Variants in PBX1 observed in about 807,000 individuals in gnomAD.
The protein encoded by PBX1 is pre-B-cell leukemia transcription factor 1.
In PBX1, 6 loss-of-function variants were observed where a neutral mutation model predicts 53.4. That is an observed-to-expected ratio of 0.11 (90% CI 0.06 to 0.22). PBX1 has a LOEUF of 0.22. Ranked by LOEUF, PBX1 falls within the 10% of genes least tolerant of loss-of-function variation. The probability of loss-of-function intolerance (pLI) is 1.00; values close to 1 mark genes in which losing one functional copy is unlikely to be tolerated. For synonymous variants in PBX1, 204 were observed against 212.3 expected, an observed-to-expected ratio of 0.96 and a Z score of 0.34; for missense variants, 251 against 551.4, an observed-to-expected ratio of 0.46 and a Z score of 5.46.
At chr1:164,721,512 C>T (rs1258438713) in intron 2 of PBX1, among the ~76,000 whole-genome samples, 1 of 151,954 alleles carries the variant, frequency 6.6e-6, no homozygotes, top group East Asian at 1.9e-4. Flanking sequence ...AAAGCGAAAA[C>T]AATTGAATTC....
In PBX1 at chr1:164,792,536, C is replaced by T; in HGVS notation, c.308C>T (p.Pro103Leu). The T allele has an allele frequency of 6.2e-7, 1 of 1,614,094 alleles. No individual in the cohort carries two copies. Among genetic ancestry groups the T allele is most frequent in the African/African-American group, 1.3e-5 (1 of 75,048 alleles). The change falls in exon 3 of 9, where the codon CCC becomes CTC. Residue 103 changes from proline (P) to leucine (L), a missense_variant. Coordinates refer to ENST00000420696, the MANE Select transcript of PBX1 (RefSeq NM_002585.4). ...RGAQEEEPTD[P>L]QLMRLDNMLL... ...GCCCAGGAGGAGGAACCCACAGACC[C>T]CCAGCTGATGCGGCTGGACAACATG...
intron 2 of PBX1, among the ~76,000 whole-genome samples, chr1:164,570,250 G>A (rs1349341967): frequency 1.3e-5 from 2 of 152,120 alleles, no homozygotes; most frequent in Non-Finnish European, 2.9e-5. Flanking sequence ...GAACACGTGT[G>A]TGGAACGTGC....
chr1:164,848,696 T>G lies in PBX1; in HGVS notation c.*2020T>G. 9.5e-7 allele frequency: 1 copy of G among 1,056,060 alleles called. No homozygotes were observed. The highest frequency in any genetic ancestry group is 1.1e-6 in the Non-Finnish European group (1 of 873,420). The allele number at this position is 1,056,060 out of a possible 1,614,324, so 65.4% of individuals were successfully genotyped here. ...CACTTGAACCCAATATGTTGCCTTG[T>G]ACATACTTGGTCCCTGTCACATTGA... On this transcript the variant is annotated 3_prime_UTR_variant, in exon 9 of 9. Coordinates refer to ENST00000420696, the MANE Select transcript of PBX1 (RefSeq NM_002585.4).
chr1:164,739,900 G>A (rs1002232121), intron 2 of PBX1, among the ~76,000 whole-genome samples: 1 of 151,940 alleles, frequency 6.6e-6, no homozygotes, highest in Non-Finnish European at 1.5e-5. Context: ...TAATGCTAGG[G>A]TTCATTTTCT....
intron 4 of PBX1, among the ~76,000 whole-genome samples, chr1:164,800,399 T>C (rs733059): frequency 0.027 from 4,063 of 152,320 alleles, 195 homozygotes; most frequent in African/African-American, 0.092. Flanking sequence ...CATGGCACTT[T>C]GGACACAGAG....
At chr1:164,715,208 T>G (rs74118000) in intron 2 of PBX1, among the ~76,000 whole-genome samples, 38 of 152,326 alleles carry the variant, frequency 2.5e-4, no homozygotes, top group African/African-American at 8.4e-4. Flanking sequence ...AATTAAATGA[T>G]TTTTCTTCTA....
intron 2 of PBX1, among the ~76,000 whole-genome samples, chr1:164,725,114 C>G (rs146131010): frequency 0.012 from 1,901 of 152,206 alleles, 19 homozygotes; most frequent in Non-Finnish European, 0.017. Context: ...CCACCCCCTT[C>G]CTGCATCCAG....
chr1:164,722,526 A>G (rs915332339), intron 2 of PBX1, among the ~76,000 whole-genome samples: 4 of 152,242 alleles, frequency 2.6e-5, no homozygotes, highest in African/African-American at 4.8e-5. Context: ...TTGAAGAAGT[A>G]TATTAATCCA....
chr1:164,794,236 C>T (rs1668678031), intron 3 of PBX1, among the ~76,000 whole-genome samples: 1 of 152,192 alleles, frequency 6.6e-6, no homozygotes, highest in Non-Finnish European at 1.5e-5. Flanking sequence ...AGACCTTGTG[C>T]AGTCCACTTG....
intron 2 of PBX1, among the ~76,000 whole-genome samples, chr1:164,775,998 A>G (rs893322394): frequency 6.6e-6 from 1 of 152,196 alleles, no homozygotes; most frequent in African/African-American, 2.4e-5. Flanking sequence ...ACATCTCTGT[A>G]TACTAATAAT....
At chr1:164,699,291 T>G (rs1420217436) in intron 2 of PBX1, among the ~76,000 whole-genome samples, 1 of 152,038 alleles carries the variant, frequency 6.6e-6, no homozygotes, top group African/African-American at 2.4e-5. Context: ...ATACAAATAG[T>G]TTTGGTAAAG....
chr1:164,636,488 C>G (rs559011982), intron 2 of PBX1, among the ~76,000 whole-genome samples: 1 of 152,132 alleles, frequency 6.6e-6, no homozygotes, highest in Non-Finnish European at 1.5e-5. Flanking sequence ...CTCTTTTTCC[C>G]TTTCACCAGA....
rs1558053764 is a variant in PBX1 at position 164,870,325 on chromosome 1, CT to C, written n.258-28860del. ...TCTTTCTTTCTTTCTTTCTTTCTTT[CT>C]TTCTTTCTTTCTTTCTTTCTTTCTT... On this transcript the variant is annotated intron_variant and non_coding_transcript_variant, in intron 2 of 2. Coordinates refer to the PBX1 transcript ENST00000558796. Among the ~76,000 whole-genome samples the C allele has an allele frequency of 6.2e-4, 63 of 101,002 alleles. 2 individuals are homozygous for C. Among genetic ancestry groups the C allele is most frequent in the South Asian group, 1.9e-3 (5 of 2,682 alleles). The allele number at this position is 101,002 out of a possible 152,430, so 66.3% of individuals were successfully genotyped here.
rs1180535741 is a variant in PBX1 at position 164,847,230 on chromosome 1, C to G, written c.*554C>G. 1 of 1,073,820 alleles carries G rather than the reference C, an allele frequency of 9.3e-7. No individual in the cohort carries two copies. Among genetic ancestry groups the G allele is most frequent in the Non-Finnish European group, 1.1e-6 (1 of 883,680 alleles). 66.5% of individuals were successfully genotyped at this position (1,073,820 alleles called of 1,614,324 possible). On this transcript the variant is annotated 3_prime_UTR_variant, in exon 9 of 9. Transcript: ENST00000420696. ...TTCCAGGCCTCCCTGCTTCCTCTTG[C>G]TCTTCCTCCCTGGGGACAGTACTGA...
intron 2 of PBX1, among the ~76,000 whole-genome samples, chr1:164,578,896 C>T (rs1439038041): frequency 6.6e-6 from 1 of 152,178 alleles, no homozygotes; most frequent in African/African-American, 2.4e-5. Context: ...CTGCCTTTCC[C>T]CTTTCACTCT....
intron 2 of PBX1, among the ~76,000 whole-genome samples, chr1:164,735,589 C>T (rs1665223271): frequency 6.6e-6 from 1 of 152,170 alleles, no homozygotes; most frequent in Admixed American, 6.5e-5. Context: ...ATTCATTTAG[C>T]TTTCAGAACG....
chr1:164,806,427 G>A (rs1490831312), intron 4 of PBX1, among the ~76,000 whole-genome samples: 2 of 152,192 alleles, frequency 1.3e-5, no homozygotes, highest in East Asian at 3.9e-4. Flanking sequence ...GGGATGTCAA[G>A]CTGTTGGGGG....
chr1:164,747,557 T>G (rs978211671), intron 2 of PBX1, among the ~76,000 whole-genome samples: 1 of 152,156 alleles, frequency 6.6e-6, no homozygotes, highest in Non-Finnish European at 1.5e-5. Flanking sequence ...GAAGTAACTG[T>G]GTCTCTCTGA....
chr1:164,561,636 G>A (rs1010360898), intron 1 of PBX1, among the ~76,000 whole-genome samples: 4 of 152,096 alleles, frequency 2.6e-5, no homozygotes, highest in Admixed American at 6.5e-5. Flanking sequence ...AGTGGAAGGG[G>A]CTAGTAAGAA....
Sources: allele counts gnomAD v4.1 joint callset (sites outside exome capture counted in the v4.1 genomes callset), GRCh38; gene constraint gnomAD v4.1.1; transcripts MANE v1.5; gene names NCBI Gene and HGNC (gene_info 2026-07-23, HGNC 2026-07-21).